Variants in PDE4D observed in about 807,000 individuals in gnomAD.
PDE4D encodes the protein phosphodiesterase 4D.
A neutral mutation model predicts 87.4 loss-of-function variants in PDE4D; 24 were observed. That is an observed-to-expected ratio of 0.27 (90% CI 0.20 to 0.39). The LOEUF (loss-of-function observed/expected upper bound fraction) is 0.39. Ranked by LOEUF, PDE4D falls within the 10% of genes least tolerant of loss-of-function variation. The probability of loss-of-function intolerance (pLI) is 1.00; values close to 1 mark genes in which losing one functional copy is unlikely to be tolerated. For synonymous variants in PDE4D, 384 were observed against 383.2 expected, an observed-to-expected ratio of 1.00 and a Z score of -0.02; for missense variants, 714 against 1,041.0, an observed-to-expected ratio of 0.69 and a Z score of 4.32.
intron 1 of PDE4D, among the ~76,000 whole-genome samples, chr5:59,415,631 C>CAATT (rs57665874): frequency 0.17 from 25,820 of 151,878 alleles, 2,894 homozygotes; most frequent in African/African-American, 0.31. Context: ...ATCTAAATGT[C>CAATT]CAATAAAGAT....
At position 59,811,038 on chromosome 5, in the gene PDE4D, G is replaced by A. The variant is rs78533228; in HGVS notation, c.455+82130C>T. ...GGACAAAGGTATAAAGGAGCTAAAC[G>A]GAGGCTGCAGAATGTGGAGTGAAGA... is the stretch of plus-strand genomic sequence containing the variant. On this transcript the variant is annotated intron_variant, in intron 1 of 14. Coordinates refer to ENST00000340635, the MANE Select transcript of PDE4D (RefSeq NM_001104631.2). Among the ~76,000 whole-genome samples the A allele has an allele frequency of 2.7e-3, 412 of 152,266 alleles. 4 individuals carry two copies. Among genetic ancestry groups the A allele is most frequent in the African/African-American group, 9.5e-3 (395 of 41,544 alleles).
chr5:60,521,296 C>G, intron 1 of PDE4D: 1 of 152,094 alleles, frequency 6.6e-6, no homozygotes, highest in East Asian at 1.9e-4. Context: ...AAAAAAGGAC[C>G]CAAAGTCCTA....
At chr5:59,402,493 C>A (rs527347947) in intron 1 of PDE4D, among the ~76,000 whole-genome samples, 8 of 152,140 alleles carry the variant, frequency 5.3e-5, no homozygotes, top group Non-Finnish European at 1.2e-4. Context: ...ATAAAGAGCA[C>A]GACAAGTCCC....
intron 6 of PDE4D, among the ~76,000 whole-genome samples, chr5:59,007,062 TC>T (rs1373546474): frequency 1.3e-5 from 2 of 152,208 alleles, no homozygotes; most frequent in African/African-American, 4.8e-5. Context: ...ACATAATAGA[TC>T]CGTTAATATA....
At chr5:59,875,924 A>T (rs1304157433) in intron 1 of PDE4D, among the ~76,000 whole-genome samples, 1 of 152,182 alleles carries the variant, frequency 6.6e-6, no homozygotes, top group Non-Finnish European at 1.5e-5. Context: ...ACACATGGGC[A>T]CATAGAGGGG....
At chr5:59,468,019 C>T (rs1801844396) in intron 1 of PDE4D, among the ~76,000 whole-genome samples, 1 of 152,088 alleles carries the variant, frequency 6.6e-6, no homozygotes, top group Non-Finnish European at 1.5e-5. Context: ...GTTCCCTCAG[C>T]ATGTGCACAT....
At chr5:59,206,087 C>A (rs894697537) in intron 2 of PDE4D, among the ~76,000 whole-genome samples, 4 of 152,104 alleles carry the variant, frequency 2.6e-5, no homozygotes, top group African/African-American at 9.7e-5. Flanking sequence ...TTTTTCTTGA[C>A]CCAAGGTTAG....
chr5:59,672,611 A>G (rs1747406510), intron 1 of PDE4D, among the ~76,000 whole-genome samples: 1 of 152,118 alleles, frequency 6.6e-6, no homozygotes, highest in Non-Finnish European at 1.5e-5. Context: ...ATCTCTTTTC[A>G]TTTTTATTAC....
At chr5:59,039,335 T>G in intron 5 of PDE4D, 1 of 1,035,772 alleles carries the variant, frequency 9.7e-7, no homozygotes, top group Non-Finnish European at 1.2e-6. Flanking sequence ...CTCTAGCGGA[T>G]GGCGAGGGGG....
chr5:59,096,437 T>C (rs956412125), intron 5 of PDE4D, among the ~76,000 whole-genome samples: 5 of 152,208 alleles, frequency 3.3e-5, no homozygotes, highest in African/African-American at 1.2e-4. Flanking sequence ...TTATTTCTTC[T>C]TCCTTTTGAA....
intron 1 of PDE4D, among the ~76,000 whole-genome samples, chr5:59,875,347 G>C (rs1748399492): frequency 6.6e-6 from 1 of 150,728 alleles, no homozygotes; most frequent in African/African-American, 2.4e-5. Flanking sequence ...TGTAGTCCCA[G>C]CTACTCGGGA....
intron 1 of PDE4D, among the ~76,000 whole-genome samples, chr5:60,378,554 T>C (rs1353933905): frequency 1.3e-5 from 2 of 152,056 alleles, no homozygotes; most frequent in African/African-American, 4.8e-5. Context: ...AGTAAAATAC[T>C]TTTAAAAGAA....
intron 1 of PDE4D, among the ~76,000 whole-genome samples, chr5:59,389,899 T>G (rs1171630895): frequency 6.6e-6 from 1 of 152,074 alleles, no homozygotes; most frequent in African/African-American, 2.4e-5. Context: ...AAGCATATAG[T>G]TAGATAGAAG....
intron 5 of PDE4D, among the ~76,000 whole-genome samples, chr5:59,050,198 C>A (rs913100284): frequency 3.3e-5 from 5 of 152,006 alleles, no homozygotes; most frequent in Non-Finnish European, 7.4e-5. Flanking sequence ...ACCCGGGAGG[C>A]GGAGGTTACA....
intron 1 of PDE4D, among the ~76,000 whole-genome samples, chr5:59,444,236 AC>A (rs986366089): frequency 2.2e-4 from 33 of 152,302 alleles, no homozygotes; most frequent in African/African-American, 7.9e-4. Flanking sequence ...TCACATGCAA[AC>A]CCTGGGCTTG....
rs574373526 is a variant in PDE4D at position 59,786,296 on chromosome 5, C to T, written c.455+106872G>A. ...ACTATAATTTTCAACAGATTCTAAA[C>T]AGGGATTTAGAAAGATAAGGTGGTT... On this transcript the variant is annotated intron_variant, in intron 1 of 14. Transcript: ENST00000340635. 1.2e-3 allele frequency among the ~76,000 whole-genome samples: 176 copies of T among 152,312 alleles called. 1 individual carries two copies. Among genetic ancestry groups the T allele is most frequent in the African/African-American group, 4.0e-3 (167 of 41,566 alleles).
chr5:59,585,952 G>C (rs1468887224), intron 1 of PDE4D, among the ~76,000 whole-genome samples: 1 of 152,140 alleles, frequency 6.6e-6, no homozygotes, highest in Non-Finnish European at 1.5e-5. Flanking sequence ...TGATATATCA[G>C]AAATTCATGT....
chr5:59,930,237 T>C (rs369551893), intron 3 of PDE4D, among the ~76,000 whole-genome samples: 19 of 152,010 alleles, frequency 1.2e-4, no homozygotes, highest in African/African-American at 3.4e-4. Context: ...GTGAACTTAT[T>C]TGGAAAAAGG....
rs138629514 is a variant in PDE4D, at chr5:60,038,249, C to T, written c.43-49532G>A. 1.8e-3 allele frequency among the ~76,000 whole-genome samples: 281 copies of T among 152,254 alleles called. 13 individuals are homozygous for T. In the East Asian group the frequency reaches 0.046, roughly 25 times the overall value. Reference sequence around the variant, plus strand: ...TCTAGGTTTTCTTCTAGGGTTTTTACGGTTTTAGGTCTAATGTTTAAGTCT... The same window carrying T: ...TCTAGGTTTTCTTCTAGGGTTTTTATGGTTTTAGGTCTAATGTTTAAGTCT... On this transcript the variant is annotated intron_variant, in intron 2 of 16. Coordinates refer to the PDE4D transcript ENST00000502484.
Sources: allele counts gnomAD v4.1 joint callset (sites outside exome capture counted in the v4.1 genomes callset), GRCh38; gene constraint gnomAD v4.1.1; transcripts MANE v1.5; gene names NCBI Gene and HGNC (gene_info 2026-07-23, HGNC 2026-07-21).